The following GANC variants were observed in gnomAD, a reference collection of about 807,000 sequenced individuals.
GANC encodes neutral alpha-glucosidase C.
A neutral mutation model predicts 124.2 loss-of-function variants in GANC; 117 were observed. The observed-to-expected ratio is 0.94, with a 90% CI of 0.81 to 1.10. GANC has a LOEUF of 1.10. Ranked by LOEUF, GANC falls within the 50% of genes least tolerant of loss-of-function variation. The probability of loss-of-function intolerance (pLI) is 0.00; values close to 1 mark genes in which losing one functional copy is unlikely to be tolerated. For synonymous variants in GANC, 377 were observed against 376.8 expected, an observed-to-expected ratio of 1.00 and a Z score of -0.01; for missense variants, 1,140 against 1,095.0, an observed-to-expected ratio of 1.04 and a Z score of -0.58.
At position 42,310,370 on chromosome 15, in the gene GANC, T is replaced by C. The variant is rs979399384; in HGVS notation, c.810T>C (p.Tyr270=). 2 of 1,613,962 alleles carry C rather than the reference T, an allele frequency of 1.2e-6. No individual in the cohort carries two copies. The highest frequency in any genetic ancestry group is 1.6e-4 in the Middle Eastern group (1 of 6,062). The change falls in exon 9 of 24, where the codon TAT becomes TAC. Residue 270 remains tyrosine (Y), a synonymous_variant. Coordinates refer to ENST00000318010, the MANE Select transcript of GANC (RefSeq NM_198141.3). ...TGGGCATTTATGGTTCAGTACCTTATCTCCTGGCCCACAAACTGGGCAGAA... is the reference window on the plus strand; with the variant it reads ...TGGGCATTTATGGTTCAGTACCTTACCTCCTGGCCCACAAACTGGGCAGAA... ...DKMGIYGSVP[Y]LLAHKLGRTI... is the part of the protein sequence containing the mutation.
chr15:42,309,911 T>G (rs766738414), intron 8 of GANC, among the ~76,000 whole-genome samples: 8 of 152,026 alleles, frequency 5.3e-5, no homozygotes, highest in Non-Finnish European at 1.0e-4. Flanking sequence ...TCCCCGCTAC[T>G]TGGGAGGCTG....
At chr15:42,350,191 T>C (rs2052414590) in intron 22 of GANC, among the ~76,000 whole-genome samples, 1 of 151,600 alleles carries the variant, frequency 6.6e-6, no homozygotes, top group Non-Finnish European at 1.5e-5. Context: ...CCACCACGCC[T>C]GGCTAATTTT....
At position 42,343,105 on chromosome 15, in the gene GANC, C is replaced by G; in HGVS notation, c.2180C>G (p.Thr727Arg). The G allele has an allele frequency of 6.2e-7, 1 of 1,614,026 alleles. No individual in the cohort carries two copies. Among genetic ancestry groups the G allele is most frequent in the Admixed American group, 1.7e-5 (1 of 60,022 alleles). The change falls in exon 19 of 24, where the codon ACA becomes AGA. Residue 727 changes from threonine to arginine, a missense_variant. Transcript: ENST00000318010. ...AGTGCATTATTGGTTCATCCAGTCA[C>G]AGAACCAAAAGCCACCACAGTTGAT... is the stretch of plus-strand genomic sequence containing the variant. ...LGSALLVHPV[T>R]EPKATTVDVF...
intron 1 of GANC, 67 bp from the exon 2 acceptor site, chr15:42,276,281 G>A: frequency 3.9e-6 from 3 of 760,034 alleles, no homozygotes; most frequent in African/African-American, 1.7e-5. Flanking sequence ...TGTCGTTAGA[G>A]AAGGTACAAA....
intron 22 of GANC, among the ~76,000 whole-genome samples, chr15:42,350,520 C>T (rs2141087446): frequency 6.7e-6 from 1 of 149,990 alleles, no homozygotes; most frequent in Non-Finnish European, 1.5e-5. Context: ...ATTTGGCCAC[C>T]AGTTAGCTGT....
At chr15:42,351,247 C>T (rs1281531537) in intron 22 of GANC, 82 bp from the exon 23 acceptor site, 5 of 904,356 alleles carry the variant, frequency 5.5e-6, no homozygotes, top group Admixed American at 1.8e-5. Flanking sequence ...GGGAGAGGAA[C>T]TCACAAGGCT....
chr15:42,309,063 G>T (rs958805344), intron 8 of GANC, among the ~76,000 whole-genome samples: 4 of 152,172 alleles, frequency 2.6e-5, no homozygotes, highest in Non-Finnish European at 4.4e-5. Flanking sequence ...ATCACCTTTA[G>T]TTTCCTCAGG....
intron 5 of GANC, among the ~76,000 whole-genome samples, chr15:42,296,796 C>T (rs1180462843): frequency 4.0e-5 from 6 of 150,292 alleles, no homozygotes; most frequent in Admixed American, 2.6e-4. Context: ...TAAAAGTATG[C>T]TGTATATATT....
At chr15:42,295,220 C>T (rs542239239) in intron 5 of GANC, among the ~76,000 whole-genome samples, 10 of 152,062 alleles carry the variant, frequency 6.6e-5, no homozygotes, top group East Asian at 5.8e-4. Flanking sequence ...GTGATCCGCC[C>T]GCCTCAGCCT....
intron 15 of GANC, among the ~76,000 whole-genome samples, chr15:42,335,190 G>A (rs372662745): frequency 3.9e-5 from 6 of 152,170 alleles, no homozygotes; most frequent in African/African-American, 9.6e-5. Context: ...CAGTATCCTC[G>A]ATGAACATTG....
intron 10 of GANC, among the ~76,000 whole-genome samples, chr15:42,318,074 C>G (rs1052831569): frequency 6.6e-6 from 1 of 152,204 alleles, no homozygotes; most frequent in Non-Finnish European, 1.5e-5. Flanking sequence ...CAGTCTACTT[C>G]TTTCCCTGGA....
At chr15:42,347,946 G>A (rs1471510041) in intron 20 of GANC, among the ~76,000 whole-genome samples, 157 bp from the exon 21 acceptor site, 1 of 152,116 alleles carries the variant, frequency 6.6e-6, no homozygotes, top group Non-Finnish European at 1.5e-5. Context: ...TTTAATGCCA[G>A]GACCCCCATA....
chr15:42,313,047 A>C (rs569827390), intron 10 of GANC, among the ~76,000 whole-genome samples: 1 of 152,318 alleles, frequency 6.6e-6, no homozygotes, highest in East Asian at 1.9e-4. Context: ...TGGCCACCCA[A>C]AACACTGGGA....
At chr15:42,328,506 C>CAAAAAAAAAAA (rs530447078) in intron 13 of GANC, among the ~76,000 whole-genome samples, 1 of 104,052 alleles carries the variant, frequency 9.6e-6, no homozygotes, top group Admixed American at 1.1e-4. Context: ...AATAAAGATT[C>CAAAAAAAAAAA]AAAAAAAAAA....
At chr15:42,329,091 T>C (rs1216745210) in intron 13 of GANC, among the ~76,000 whole-genome samples, 1 of 152,216 alleles carries the variant, frequency 6.6e-6, no homozygotes, top group Non-Finnish European at 1.5e-5. Flanking sequence ...TTTATTGAGA[T>C]CTGTCTATGG....
At chr15:42,304,722 A>G (rs1338996913) in intron 6 of GANC, among the ~76,000 whole-genome samples, 2 of 152,240 alleles carry the variant, frequency 1.3e-5, no homozygotes, top group Non-Finnish European at 2.9e-5. Context: ...TTATACTACA[A>G]GGATACAGTA....
chr15:42,297,564 T>C, intron 5 of GANC, 47 bp from the exon 6 acceptor site: 1 of 1,462,526 alleles, frequency 6.8e-7, no homozygotes, highest in Non-Finnish European at 9.5e-7. Context: ...AACAAAATTC[T>C]GTCAGTCTTG....
chr15:42,331,246 G>T (rs375253386), intron 15 of GANC, among the ~76,000 whole-genome samples: 1 of 152,206 alleles, frequency 6.6e-6, no homozygotes, highest in African/African-American at 2.4e-5. Flanking sequence ...CCACTTCGTT[G>T]TTGGGAGAGT....
At chr15:42,282,951 G>A (rs924289770) in intron 3 of GANC, among the ~76,000 whole-genome samples, 4 of 152,144 alleles carry the variant, frequency 2.6e-5, no homozygotes, top group African/African-American at 4.8e-5. Context: ...AAGCTCTCCC[G>A]TCTTTTCTTA....
Sources: gnomAD v4.1 joint callset for allele counts (sites outside exome capture counted in the v4.1 genomes callset) on GRCh38, gnomAD v4.1.1 for gene constraint, MANE v1.5 for transcripts, NCBI Gene and HGNC (gene_info 2026-07-23, HGNC 2026-07-21) for gene names.